The following TMEM229B variants were observed in gnomAD, a reference collection of about 807,000 sequenced individuals.
TMEM229B encodes transmembrane protein 229B.
TMEM229B carries 6 observed loss-of-function variants against 13.7 expected under a neutral mutation model. That is an observed-to-expected ratio of 0.44 (90% CI 0.24 to 0.86). The LOEUF (loss-of-function observed/expected upper bound fraction) is 0.86, where lower values mean the gene tolerates loss of function less well. TMEM229B is among the 40% of genes least tolerant of loss of function. The pLI is 0.23. For synonymous variants in TMEM229B, 107 were observed against 102.1 expected (o/e 1.05, Z -0.29); for missense variants, 170 against 236.0 (o/e 0.72, Z 1.83).
At chr14:67,486,351 T>G (rs2031879724) in intron 2 of TMEM229B, among the ~76,000 whole-genome samples, 4 of 152,268 alleles carry the variant, frequency 2.6e-5, no homozygotes, top group Non-Finnish European at 5.9e-5. Context: ...CTTGGCTCAC[T>G]GCAACCTCTG....
intron 2 of TMEM229B, among the ~76,000 whole-genome samples, chr14:67,484,287 CT>C (rs1285397524): frequency 2.0e-5 from 3 of 152,164 alleles, no homozygotes; most frequent in Non-Finnish European, 4.4e-5. Flanking sequence ...GCAATAATAC[CT>C]AGTAATACTT....
In TMEM229B at chr14:67,473,752, G is replaced by A; in HGVS notation, c.172C>T (p.Leu58Phe). Reference protein sequence around the residue: ...WALFIYGTSILIVERMYLRLR... With the variant: ...WALFIYGTSIFIVERMYLRLR... Reference sequence around the variant, plus strand: ...CGCAGGTACATGCGCTCCACGATGAGGATGGAGGTGCCGTAGATGAAGAGG... The same window carrying A: ...CGCAGGTACATGCGCTCCACGATGAAGATGGAGGTGCCGTAGATGAAGAGG... Residue 58 changes from leucine (L) to phenylalanine (F), a missense_variant, in exon 3 of 3, where the codon CTC becomes TTC. Leu to Phe is a conservative substitution (Grantham distance 22). This residue lies in a region of TMEM229B where 36 missense variants were observed against 83.8 expected (regional missense o/e 0.43). Coordinates refer to ENST00000554480, the MANE Select transcript of TMEM229B (RefSeq NM_001348543.2). The surrounding 1 kb of genome is among the most constrained non-coding windows in gnomAD (Gnocchi z 6.5). 1.2e-6 allele frequency: 2 copies of A among 1,613,604 alleles called. No individual in the cohort carries two copies. The highest frequency in any genetic ancestry group is 1.7e-6 in the Non-Finnish European group (2 of 1,179,828).
upstream of TMEM229B, among the ~76,000 whole-genome samples, chr14:67,493,234 T>A (rs1469608445): frequency 6.6e-6 from 1 of 152,214 alleles, no homozygotes; most frequent in Non-Finnish European, 1.5e-5. Context: ...CTGAAAGTAA[T>A]CTTACCCATC....
intron 1 of TMEM229B, among the ~76,000 whole-genome samples, chr14:67,504,189 T>C (rs2032729813): frequency 6.6e-6 from 1 of 151,990 alleles, no homozygotes; most frequent in Admixed American, 6.6e-5. Context: ...AATTTTTGTA[T>C]TTTTAGTAGA....
intron 1 of TMEM229B, among the ~76,000 whole-genome samples, chr14:67,501,352 G>A (rs563662568): frequency 7.9e-5 from 12 of 152,034 alleles, no homozygotes; most frequent in South Asian, 4.2e-4. Flanking sequence ...CAAGATAAAC[G>A]ATACCTTATT....
rs980698868 is a variant in TMEM229B, at chr14:67,474,032, A to T, written c.-18-91T>A. ...CTTTGGGAGGCCGAGGCGGCGGATCACTTGAGGTCAGGAGTTCCAAACCAG... is the reference window on the plus strand; with the variant it reads ...CTTTGGGAGGCCGAGGCGGCGGATCTCTTGAGGTCAGGAGTTCCAAACCAG... On this transcript the variant is annotated intron_variant, in intron 2 of 2. Transcript: ENST00000554480. The T allele has an allele frequency of 2.6e-4, 357 of 1,372,368 alleles. 1 individual carries two copies. The highest frequency in any genetic ancestry group is 2.7e-4 in the Middle Eastern group (1 of 3,762). The allele number at this position is 1,372,368 out of a possible 1,614,324, so 85.0% of individuals were successfully genotyped here. A position where few individuals can be genotyped will look rare whatever the true frequency, so the allele number is the denominator to read the frequency against.
chr14:67,489,989 C>CAA (rs5809348), upstream of TMEM229B, among the ~76,000 whole-genome samples: 2 of 139,074 alleles, frequency 1.4e-5, no homozygotes, highest in Non-Finnish European at 1.6e-5. Flanking sequence ...GACTCCGTCT[C>CAA]AAAAAAAAAA....
chr14:67,494,649 G>T (rs996117241), intron 1 of TMEM229B, among the ~76,000 whole-genome samples: 4 of 152,216 alleles, frequency 2.6e-5, no homozygotes, highest in African/African-American at 9.6e-5. Flanking sequence ...GTGCTCAGCA[G>T]GTACATCCCA....
intron 1 of TMEM229B, among the ~76,000 whole-genome samples, chr14:67,499,307 G>A (rs960881653): frequency 6.6e-6 from 1 of 152,126 alleles, no homozygotes; most frequent in Non-Finnish European, 1.5e-5. Context: ...CCCCACTAAT[G>A]GTCTTTTATT....
rs1197410518 is a variant in TMEM229B at position 67,477,655 on chromosome 14, T to G, written c.-18-3714A>C. 2.0e-5 allele frequency among the ~76,000 whole-genome samples: 3 copies of G among 152,192 alleles called. No homozygotes were observed. The East Asian group carries it at 5.8e-4, about 29-fold the overall frequency. On this transcript the variant is annotated intron_variant, in intron 2 of 2. Transcript: ENST00000554480. ...AAATCAAACCCATGGGCAGGTGTGG[T>G]GGCTTATGCCTGTAATCCTAGCACT...
At chr14:67,486,353 C>A (rs1761426759) in intron 2 of TMEM229B, among the ~76,000 whole-genome samples, 1 of 152,264 alleles carries the variant, frequency 6.6e-6, no homozygotes, top group Admixed American at 6.5e-5. Flanking sequence ...TGGCTCACTG[C>A]AACCTCTGCC....
At chr14:67,505,019 C>A (rs1040296231) in intron 1 of TMEM229B, among the ~76,000 whole-genome samples, 2 of 152,184 alleles carry the variant, frequency 1.3e-5, no homozygotes, top group Non-Finnish European at 1.5e-5. Context: ...AACATCCAGT[C>A]AAAGCAGCTA....
chr14:67,530,480 T>C (rs2033428011), intron 1 of TMEM229B, among the ~76,000 whole-genome samples: 1 of 152,208 alleles, frequency 6.6e-6, no homozygotes, highest in Admixed American at 6.5e-5. Context: ...GAATTTATTT[T>C]TTAAACATTC....
In TMEM229B at chr14:67,473,497, G is replaced by T; in HGVS notation, c.427C>A (p.Arg143Ser). ...QFIIRNTLRLRFDKDAEPGEP... is the reference protein window; with the variant it reads ...QFIIRNTLRLSFDKDAEPGEP... ...CCGGGCTCAGCGTCCTTGTCGAAGC[G>T]GAGGCGGAGGGTGTTGCGGATGATG... Residue 143 changes from arginine (R) to serine (S), a missense_variant, in exon 3 of 3, where the codon CGC (arginine) becomes AGC (serine). Physicochemically the swap from Arg to Ser is moderately radical, Grantham distance 110 (BLOSUM62 -1). Around this residue, in one of 4 missense-constraint regions of TMEM229B, gnomAD observed 70 missense variants for 60.9 expected, o/e 1.15. Transcript: ENST00000554480. The surrounding 1 kb of genome is among the most constrained non-coding windows in gnomAD (Gnocchi z 6.5). The T allele has an allele frequency of 6.2e-7, 1 of 1,614,204 alleles. No homozygotes were observed.
At chr14:67,474,915 T>TTC (rs1491305797) in intron 2 of TMEM229B, among the ~76,000 whole-genome samples, 1 of 33,664 alleles carries the variant, frequency 3.0e-5, no homozygotes, top group African/African-American at 3.7e-4. Context: ...AATTTCCTTC[T>TTC]TTTTTTTTTT....
At chr14:67,507,701 C>A (rs2032877330) in intron 1 of TMEM229B, among the ~76,000 whole-genome samples, 1 of 152,134 alleles carries the variant, frequency 6.6e-6, no homozygotes, top group Non-Finnish European at 1.5e-5. Context: ...TCCCAAAGTG[C>A]TAGGATTACA....
At chr14:67,510,019 T>A (rs2032975519) in intron 1 of TMEM229B, among the ~76,000 whole-genome samples, 1 of 91,414 alleles carries the variant, frequency 1.1e-5, no homozygotes, top group African/African-American at 3.0e-5. Flanking sequence ...CTAAAAAAAT[T>A]TTTTTATTAA....
intron 1 of TMEM229B, among the ~76,000 whole-genome samples, chr14:67,498,794 T>G (rs1173099390): frequency 6.6e-6 from 1 of 151,964 alleles, no homozygotes; most frequent in Non-Finnish European, 1.5e-5. Flanking sequence ...GTCTCTCGAG[T>G]AGCTGAGATT....
chr14:67,528,634 C>T (rs546420973), intron 1 of TMEM229B, among the ~76,000 whole-genome samples: 128 of 152,320 alleles, frequency 8.4e-4, no homozygotes, highest in African/African-American at 3.0e-3. Flanking sequence ...CAGCTCCCAA[C>T]TCAGGTGCTC....
Sources: allele counts gnomAD v4.1 joint callset (sites outside exome capture counted in the v4.1 genomes callset), GRCh38; gene constraint gnomAD v4.1.1; regional missense constraint gnomAD v4.1.1; non-coding constraint Gnocchi (gnomAD v3.1); transcripts MANE v1.5; gene names NCBI Gene and HGNC (gene_info 2026-07-23, HGNC 2026-07-21).